GPR39: variants seen among roughly 807,000 people sequenced by gnomAD.
The protein encoded by GPR39 is zinc sensing receptor.
A neutral mutation model predicts 18.4 loss-of-function variants in GPR39; 23 were observed. The observed-to-expected ratio is 1.25, with a 90% CI of 0.90 to 1.77. The LOEUF (loss-of-function observed/expected upper bound fraction) is 1.77, where lower values mean the gene tolerates loss of function less well. Ranked by LOEUF, GPR39 falls within the 40% of genes most tolerant of loss-of-function variation. The pLI is 0.00. For synonymous variants in GPR39, 280 were observed against 257.9 expected (o/e 1.09, Z -0.82); for missense variants, 647 against 602.4 (o/e 1.07, Z -0.78).
chr2:132,563,822 G>T (rs1176887423), intron 1 of GPR39, among the ~76,000 whole-genome samples: 1 of 149,764 alleles, frequency 6.7e-6, no homozygotes, highest in Non-Finnish European at 1.5e-5. Flanking sequence ...GGTGGCCTGG[G>T]CTGAGGATTG....
At chr2:132,430,142 G>A (rs919358816) in intron 1 of GPR39, among the ~76,000 whole-genome samples, 2 of 152,228 alleles carry the variant, frequency 1.3e-5, no homozygotes, top group African/African-American at 4.8e-5. Context: ...GTGATCATGG[G>A]TTCTGATGAC....
chr2:132,457,487 CA>C (rs1680751183), intron 1 of GPR39, among the ~76,000 whole-genome samples: 1 of 152,180 alleles, frequency 6.6e-6, no homozygotes, highest in African/African-American at 2.4e-5. Context: ...TCTGTTAACT[CA>C]TCAAAGTCAT....
intron 1 of GPR39, among the ~76,000 whole-genome samples, chr2:132,486,665 C>T (rs1386134781): frequency 6.6e-6 from 1 of 152,238 alleles, no homozygotes; most frequent in Non-Finnish European, 1.5e-5. Flanking sequence ...TTCCTTACTT[C>T]CCTCAGCCTT....
intron 1 of GPR39, among the ~76,000 whole-genome samples, chr2:132,614,810 G>A (rs113464625): frequency 0.01 from 1,561 of 152,042 alleles, 12 homozygotes; most frequent in Middle Eastern, 0.034. Flanking sequence ...CAAAGTGCTG[G>A]GATTACAGGC....
At chr2:132,468,532 G>A (rs1374033805) in intron 1 of GPR39, among the ~76,000 whole-genome samples, 1 of 152,224 alleles carries the variant, frequency 6.6e-6, no homozygotes, top group Non-Finnish European at 1.5e-5. Context: ...GGCTAGGGAT[G>A]TGAATGAGTG....
At chr2:132,455,910 G>A (rs1445107595) in intron 1 of GPR39, among the ~76,000 whole-genome samples, 1 of 152,086 alleles carries the variant, frequency 6.6e-6, no homozygotes, top group Admixed American at 6.6e-5. Context: ...TATGTTGTCA[G>A]TTTTAGGATA....
At chr2:132,626,840 G>T (rs1246585838) in intron 1 of GPR39, among the ~76,000 whole-genome samples, 1 of 152,082 alleles carries the variant, frequency 6.6e-6, no homozygotes, top group Non-Finnish European at 1.5e-5. Flanking sequence ...TATTCACATT[G>T]GCTTAAGAAA....
At chr2:132,451,970 A>G (rs988537976) in intron 1 of GPR39, among the ~76,000 whole-genome samples, 1 of 152,164 alleles carries the variant, frequency 6.6e-6, no homozygotes, top group Non-Finnish European at 1.5e-5. Context: ...AGTTTCTTCA[A>G]GACATAACAA....
At chr2:132,627,729 C>T (rs555075730) in intron 1 of GPR39, among the ~76,000 whole-genome samples, 38 of 152,286 alleles carry the variant, frequency 2.5e-4, no homozygotes, top group Middle Eastern at 3.4e-3. Flanking sequence ...CTGTGTGAGT[C>T]ATAAACATAA....
intron 1 of GPR39, among the ~76,000 whole-genome samples, chr2:132,575,122 A>G (rs1481503995): frequency 1.3e-5 from 2 of 152,136 alleles, no homozygotes; most frequent in Non-Finnish European, 2.9e-5. Flanking sequence ...TTCATTTTAT[A>G]TCAGTACATA....
chr2:132,420,881 T>C (rs1679995899), intron 1 of GPR39, among the ~76,000 whole-genome samples: 1 of 152,218 alleles, frequency 6.6e-6, no homozygotes, highest in Non-Finnish European at 1.5e-5. Flanking sequence ...GGATACCTAC[T>C]AGCTCTCAAG....
At chr2:132,428,628 T>G (rs1161053861) in intron 1 of GPR39, among the ~76,000 whole-genome samples, 1 of 152,190 alleles carries the variant, frequency 6.6e-6, no homozygotes, top group African/African-American at 2.4e-5. Context: ...CCAGTTGAAT[T>G]GTAATCTGCA....
chr2:132,472,332 C>T (rs1558808294), intron 1 of GPR39, among the ~76,000 whole-genome samples: 1 of 152,172 alleles, frequency 6.6e-6, no homozygotes, highest in Admixed American at 6.5e-5. Context: ...TGCTGCTGGC[C>T]TTCCAGGTGT....
At chr2:132,492,284 C>CACCATATATATACATACCATATATAT (rs1553451459) in intron 1 of GPR39, among the ~76,000 whole-genome samples, 7 of 117,114 alleles carry the variant, frequency 6.0e-5, no homozygotes, top group East Asian at 4.4e-4. Context: ...CATATATATA[C>CACCATATATATACATACCATATATAT]ACCATATATA....
intron 1 of GPR39, among the ~76,000 whole-genome samples, chr2:132,575,123 T>C (rs143985621): frequency 1.1e-4 from 17 of 152,336 alleles, no homozygotes; most frequent in Non-Finnish European, 2.2e-4. Context: ...TCATTTTATA[T>C]CAGTACATAA....
intron 1 of GPR39, among the ~76,000 whole-genome samples, chr2:132,516,465 G>A (rs1423789756): frequency 6.6e-6 from 1 of 152,160 alleles, no homozygotes; most frequent in Non-Finnish European, 1.5e-5. Context: ...AAATGATAGA[G>A]GGTGTCTTGG....
chr2:132,502,261 G>T (rs1275539099), intron 1 of GPR39, among the ~76,000 whole-genome samples: 1 of 152,144 alleles, frequency 6.6e-6, no homozygotes. Context: ...AGTTCTTGTA[G>T]TGTTGGCTTG....
At chr2:132,433,100 T>C (rs534078553) in intron 1 of GPR39, among the ~76,000 whole-genome samples, 2 of 152,340 alleles carry the variant, frequency 1.3e-5, no homozygotes, top group South Asian at 4.1e-4. Flanking sequence ...AAGAAAAAGA[T>C]ATGTCATGAA....
intron 1 of GPR39, among the ~76,000 whole-genome samples, chr2:132,443,772 T>C (rs1219239663): frequency 6.6e-6 from 1 of 152,226 alleles, no homozygotes; most frequent in Non-Finnish European, 1.5e-5. Flanking sequence ...TTTAAACATA[T>C]TTTTAAAATT....
Sources: allele counts gnomAD v4.1 joint callset (sites outside exome capture counted in the v4.1 genomes callset), GRCh38; gene constraint gnomAD v4.1.1; transcripts MANE v1.5; gene names NCBI Gene and HGNC (gene_info 2026-07-23, HGNC 2026-07-21).